OSBPL1A: variants seen among roughly 807,000 people sequenced by gnomAD.
OSBPL1A encodes oxysterol binding protein like 1A.
Under a neutral mutation model 137.1 loss-of-function variants are expected in OSBPL1A, and 80 were observed. That is an observed-to-expected ratio of 0.58 (90% CI 0.49 to 0.70). OSBPL1A has a LOEUF of 0.70. Ranked by LOEUF, OSBPL1A falls within the 30% of genes least tolerant of loss-of-function variation. The pLI is 0.00. For synonymous variants in OSBPL1A, 365 were observed against 389.7 expected (o/e 0.94, Z 0.75); for missense variants, 970 against 1,129.4 (o/e 0.86, Z 2.02).
intron 15 of OSBPL1A, among the ~76,000 whole-genome samples, chr18:24,248,976 T>A (rs1021943933): frequency 6.6e-6 from 1 of 152,254 alleles, no homozygotes; most frequent in Non-Finnish European, 1.5e-5. Flanking sequence ...ACGCGTCTTC[T>A]GAAACAAAAG....
intron 2 of OSBPL1A, among the ~76,000 whole-genome samples, chr18:24,372,589 A>C (rs535973260): frequency 6.6e-6 from 1 of 152,118 alleles, no homozygotes; most frequent in East Asian, 1.9e-4. Flanking sequence ...TTTTCACCCC[A>C]CACTCAATTA....
intron 15 of OSBPL1A, among the ~76,000 whole-genome samples, chr18:24,243,884 A>G (rs1567971065): frequency 6.6e-6 from 1 of 152,236 alleles, no homozygotes; most frequent in African/African-American, 2.4e-5. Flanking sequence ...GTAACTACAC[A>G]TCACAGAAAA....
chr18:24,188,399 G>A (rs893276309), intron 18 of OSBPL1A, among the ~76,000 whole-genome samples: 1 of 152,318 alleles, frequency 6.6e-6, no homozygotes, highest in East Asian at 1.9e-4. Context: ...AGGGTGGTGT[G>A]AACTCTGGAG....
intron 18 of OSBPL1A, among the ~76,000 whole-genome samples, chr18:24,185,790 G>A (rs2086732198): frequency 6.6e-6 from 1 of 152,162 alleles, no homozygotes; most frequent in Non-Finnish European, 1.5e-5. Flanking sequence ...AATAAAATTA[G>A]GCCAAGCATG....
chr18:24,211,568 T>A (rs2087546404), intron 17 of OSBPL1A, among the ~76,000 whole-genome samples: 1 of 151,358 alleles, frequency 6.6e-6, no homozygotes, highest in Admixed American at 6.6e-5. Flanking sequence ...ACCACAAGAG[T>A]CCAAAATCTC....
At chr18:24,338,632 A>C (rs2146150907) in intron 5 of OSBPL1A, among the ~76,000 whole-genome samples, 1 of 152,236 alleles carries the variant, frequency 6.6e-6, no homozygotes. Flanking sequence ...CTTGAGTATA[A>C]TTTCATTGTG....
intron 18 of OSBPL1A, among the ~76,000 whole-genome samples, chr18:24,181,818 T>C (rs2086612347): frequency 6.6e-6 from 1 of 152,144 alleles, no homozygotes; most frequent in African/African-American, 2.4e-5. Flanking sequence ...ACTTTCTTTG[T>C]CTGGCTCCCT....
chr18:24,330,739 A>AT lies in OSBPL1A; in HGVS notation c.625+2202dup, dbSNP rs1477152155. 2.0e-5 allele frequency among the ~76,000 whole-genome samples: 3 copies of AT among 151,950 alleles called. No individual in the cohort carries two copies. The East Asian group carries it at 5.8e-4, about 29-fold the overall frequency. ...GTGCCCAGCCCCTAGAAATGAAAAC[A>AT]TTTTTTAAATCCTAGTAGGGCTTCA... On this transcript the variant is annotated intron_variant, in intron 7 of 27. Coordinates refer to ENST00000319481, the MANE Select transcript of OSBPL1A (RefSeq NM_080597.4).
chr18:24,284,674 T>C (rs1046649661), intron 14 of OSBPL1A, among the ~76,000 whole-genome samples: 2 of 152,164 alleles, frequency 1.3e-5, no homozygotes, highest in Non-Finnish European at 2.9e-5. Context: ...TTTAAGATGC[T>C]CAATAAACTA....
intron 4 of OSBPL1A, among the ~76,000 whole-genome samples, chr18:24,356,011 A>AAAAAG (rs1396702729): frequency 6.6e-6 from 1 of 151,322 alleles, no homozygotes; most frequent in African/African-American, 2.4e-5. Flanking sequence ...GAAAAGAAAA[A>AAAAAG]AAAAGAAAAG....
chr18:24,175,104 G>GTGTATA (rs1491534405), intron 21 of OSBPL1A, among the ~76,000 whole-genome samples: 76 of 42,712 alleles, frequency 1.8e-3, no homozygotes, highest in Middle Eastern at 8.3e-3. Flanking sequence ...TTTGCCATGT[G>GTGTATA]TATGTATATA....
intron 1 of OSBPL1A, among the ~76,000 whole-genome samples, chr18:24,391,485 G>A (rs1907350676): frequency 6.6e-6 from 1 of 151,662 alleles, no homozygotes; most frequent in Non-Finnish European, 1.5e-5. Flanking sequence ...TGCTTTGGGA[G>A]GCTGAGGCAG....
intron 2 of OSBPL1A, among the ~76,000 whole-genome samples, chr18:24,372,801 C>T (rs1905766422): frequency 6.6e-6 from 1 of 152,186 alleles, no homozygotes. Flanking sequence ...CTGCAGCTCA[C>T]ACCTGTAATC....
At chr18:24,274,280 GGAA>G (rs960086709) in intron 15 of OSBPL1A, among the ~76,000 whole-genome samples, 7 of 151,786 alleles carry the variant, frequency 4.6e-5, no homozygotes, top group Admixed American at 1.3e-4. Context: ...AAGATAGGGA[GGAA>G]GAAGGAGGAT....
At chr18:24,297,540 C>T (rs1161665763) in intron 14 of OSBPL1A, among the ~76,000 whole-genome samples, 3 of 152,186 alleles carry the variant, frequency 2.0e-5, no homozygotes, top group Non-Finnish European at 4.4e-5. Flanking sequence ...ACGCTACGAA[C>T]TTTCCTCTTA....
chr18:24,197,054 T>C (rs934509993), intron 17 of OSBPL1A, among the ~76,000 whole-genome samples: 3 of 152,138 alleles, frequency 2.0e-5, no homozygotes, highest in Non-Finnish European at 4.4e-5. Flanking sequence ...TTATGAAAGT[T>C]TTCCAGTTGC....
chr18:24,306,040 T>C (rs1168631208), intron 13 of OSBPL1A, among the ~76,000 whole-genome samples: 1 of 152,230 alleles, frequency 6.6e-6, no homozygotes, highest in East Asian at 1.9e-4. Flanking sequence ...GGACTCTTTT[T>C]AAGTTTTAAT....
At chr18:24,270,022 A>G (rs1384684013) in intron 15 of OSBPL1A, among the ~76,000 whole-genome samples, 5 of 152,248 alleles carry the variant, frequency 3.3e-5, no homozygotes, top group Non-Finnish European at 7.3e-5. Context: ...ATTTGTAGCT[A>G]TATCTCTGGA....
chr18:24,168,255 C>A (rs953115813), intron 24 of OSBPL1A, among the ~76,000 whole-genome samples: 21 of 152,180 alleles, frequency 1.4e-4, no homozygotes, highest in African/African-American at 4.6e-4. Context: ...TACTAAGGAA[C>A]TACTGGAGGC....
Sources: allele counts gnomAD v4.1 joint callset (sites outside exome capture counted in the v4.1 genomes callset), GRCh38; gene constraint gnomAD v4.1.1; transcripts MANE v1.5; gene names NCBI Gene and HGNC (gene_info 2026-07-23, HGNC 2026-07-21).